Variants in FAM185A observed in about 807,000 individuals in gnomAD.
FAM185A encodes protein FAM185A.
Under a neutral mutation model 45.7 loss-of-function variants are expected in FAM185A, and 21 were observed. The observed-to-expected ratio is 0.46, with a 90% CI of 0.33 to 0.66. The LOEUF is 0.66. Among genes scored for constraint, FAM185A ranks in the 30% least tolerant of loss-of-function variants. FAM185A has a pLI of 0.03. For missense variants in FAM185A, 305 were observed against 485.4 expected (o/e 0.63, Z 3.49); for synonymous variants, 117 against 194.0 (o/e 0.60, Z 3.30).
chr7:102,835,898 C>T, the FAM185A span, among the ~76,000 whole-genome samples: 2 of 152,146 alleles, frequency 1.3e-5, no homozygotes, highest in South Asian at 2.1e-4. Context: ...CGTGAGCCAC[C>T]GCGCCCGGCC....
At position 102,749,326 on chromosome 7, in the gene FAM185A, G is replaced by C; in HGVS notation, c.119G>C (p.Ser40Thr). ...ACWACQARPY[S>T]SGGSERWPGS... ...TGGGCTTGCCAAGCCAGGCCGTACAGCTCAGGTGGGAGCGAGCGCTGGCCC... is the reference window on the plus strand; with the variant it reads ...TGGGCTTGCCAAGCCAGGCCGTACACCTCAGGTGGGAGCGAGCGCTGGCCC... Residue 40 changes from serine to threonine, a missense_variant, in exon 1 of 8, where the codon AGC (serine) becomes ACC (threonine). By Grantham distance (58) the Ser-to-Thr change is moderately conservative (BLOSUM62 1). Coordinates refer to ENST00000413034, the MANE Select transcript of FAM185A (RefSeq NM_001145268.2). 6.5e-7 allele frequency: 1 copy of C among 1,549,648 alleles called. No homozygotes were observed.
intron 4 of FAM185A, among the ~76,000 whole-genome samples, chr7:102,767,106 T>C (rs1794457189): frequency 1.3e-5 from 2 of 150,884 alleles, no homozygotes; most frequent in Non-Finnish European, 2.9e-5. Flanking sequence ...ACAACTTTTT[T>C]ATATGAAATA....
intron 2 of FAM185A, among the ~76,000 whole-genome samples, chr7:102,754,423 G>A (rs867088778): frequency 0.027 from 3,369 of 125,776 alleles, no homozygotes; most frequent in Non-Finnish European, 0.033. Context: ...CACATGATCT[G>A]CCCCACCTTG....
At chr7:102,812,729 C>T (rs1020828536), downstream of FAM185A, among the ~76,000 whole-genome samples, 1 of 151,734 alleles carries the variant, frequency 6.6e-6, no homozygotes, top group African/African-American at 2.4e-5. Context: ...TCAAAAAAGT[C>T]TCATCTCTCA....
intron 5 of FAM185A, among the ~76,000 whole-genome samples, chr7:102,776,099 T>TACACACACACACACACACATATAC (rs1360377462): frequency 0.086 from 8,767 of 101,748 alleles, 841 homozygotes; most frequent in Middle Eastern, 0.18. Context: ...TTGGCTCCTA[T>TACACACACACACACACACATATAC]ACACACACAC....
chr7:102,759,503 T>C (rs1222426723), intron 3 of FAM185A, among the ~76,000 whole-genome samples: 4 of 129,894 alleles, frequency 3.1e-5, no homozygotes, highest in Admixed American at 2.2e-4. Context: ...TTATAAAACA[T>C]AAAATAAATA....
chr7:102,826,726 T>TAC, the FAM185A span, among the ~76,000 whole-genome samples: 1 of 16,100 alleles, frequency 6.2e-5, no homozygotes, highest in South Asian at 3.2e-3. Context: ...CCCTGTCTCA[T>TAC]ATATATATAT....
chr7:102,813,164 A>AT (rs1797551306), downstream of FAM185A: 4 of 648,572 alleles, frequency 6.2e-6, no homozygotes, highest in Admixed American at 6.8e-5. Flanking sequence ...AATCATGATT[A>AT]TTTAGACAGA....
chr7:102,771,128 T>C (rs1794718009), intron 4 of FAM185A, among the ~76,000 whole-genome samples: 1 of 152,216 alleles, frequency 6.6e-6, no homozygotes, highest in South Asian at 2.1e-4. Flanking sequence ...AAATACCACA[T>C]GGTCTTACCT....
chr7:102,830,657 A>G, the FAM185A span, among the ~76,000 whole-genome samples: 1 of 152,188 alleles, frequency 6.6e-6, no homozygotes, highest in South Asian at 2.1e-4. Flanking sequence ...TTGCAGCACA[A>G]TTAGCTAACC....
chr7:102,840,154 T>C, the FAM185A span, among the ~76,000 whole-genome samples: 1 of 152,194 alleles, frequency 6.6e-6, no homozygotes, highest in Non-Finnish European at 1.5e-5. Context: ...AGAGAATGTA[T>C]ATTGGGAAAA....
the FAM185A span, among the ~76,000 whole-genome samples, chr7:102,842,922 T>A: frequency 6.6e-6 from 1 of 152,188 alleles, no homozygotes; most frequent in East Asian, 1.9e-4. Context: ...TGAACAGCAA[T>A]GACTGTTGCT....
the FAM185A span, among the ~76,000 whole-genome samples, chr7:102,816,823 T>C: frequency 6.6e-6 from 1 of 152,244 alleles, no homozygotes; most frequent in Admixed American, 6.5e-5. Context: ...TATGTCCAAG[T>C]GGTTAGCTCC....
At chr7:102,761,590 T>G (rs1463445194) in intron 4 of FAM185A, among the ~76,000 whole-genome samples, 179 bp downstream of exon 4, 1 of 151,512 alleles carries the variant, frequency 6.6e-6, no homozygotes, top group Non-Finnish European at 1.5e-5. Context: ...CTAATTTAAT[T>G]TTATTTGTGC....
At chr7:102,843,742 C>T in the FAM185A span, among the ~76,000 whole-genome samples, 6 of 152,256 alleles carry the variant, frequency 3.9e-5, no homozygotes, top group African/African-American at 1.4e-4. Context: ...CGCCACTGCA[C>T]TCCAGCCTGG....
downstream of FAM185A, among the ~76,000 whole-genome samples, chr7:102,812,306 AC>A (rs553979554): frequency 1.8e-4 from 27 of 152,308 alleles, no homozygotes; most frequent in East Asian, 3.9e-3. Context: ...GCAATTAATA[AC>A]CCATACTTCC....
chr7:102,749,379 G>A lies in FAM185A; in HGVS notation c.172G>A (p.Gly58Ser), dbSNP rs968806959. 9.1e-5 allele frequency: 141 copies of A among 1,548,394 alleles called. No individual in the cohort carries two copies. The highest frequency in any genetic ancestry group is 1.2e-4 in the Non-Finnish European group (135 of 1,146,588). ...PGSETEVPPPGPGRRTLKEWT... is the reference protein window; with the variant it reads ...PGSETEVPPPSPGRRTLKEWT... ...ATCGGAGACTGAGGTCCCTCCGCCT[G>A]GCCCGGGGCGCCGAACTCTGAAGGA... Residue 58 changes from glycine to serine, a missense_variant, in exon 1 of 8, where the codon GGC (glycine) becomes AGC (serine). Coordinates refer to ENST00000413034, the MANE Select transcript of FAM185A (RefSeq NM_001145268.2).
intron 7 of FAM185A, among the ~76,000 whole-genome samples, chr7:102,806,911 A>G (rs749417724): frequency 1.1e-4 from 17 of 152,150 alleles, no homozygotes; most frequent in Non-Finnish European, 2.1e-4. Context: ...CCCAGAGTTC[A>G]TAAGAAAGAG....
the FAM185A span, among the ~76,000 whole-genome samples, chr7:102,823,920 G>T: frequency 4.6e-5 from 7 of 152,214 alleles, no homozygotes; most frequent in East Asian, 1.3e-3. Flanking sequence ...TGCCATACTA[G>T]GTTGATCTCT....
Sources: gnomAD v4.1 joint callset for allele counts (sites outside exome capture counted in the v4.1 genomes callset) on GRCh38, gnomAD v4.1.1 for gene constraint, MANE v1.5 for transcripts, NCBI Gene and HGNC (gene_info 2026-07-23, HGNC 2026-07-21) for gene names.